Variants in DNAH5 observed in about 807,000 individuals in gnomAD.
The protein encoded by DNAH5 is axonemal beta dynein heavy chain 5.
A neutral mutation model predicts 518.2 loss-of-function variants in DNAH5; 372 were observed. The observed-to-expected ratio is 0.72, with a 90% CI of 0.66 to 0.78. DNAH5 has a LOEUF of 0.78. Among genes scored for constraint, DNAH5 ranks in the 30% least tolerant of loss-of-function variants. The pLI is 0.00. For missense variants in DNAH5, 5,523 were observed against 5,687.0 expected, an observed-to-expected ratio of 0.97 and a Z score of 0.93; for synonymous variants, 2,039 against 2,025.9, an observed-to-expected ratio of 1.01 and a Z score of -0.17.
chr5:13,718,840 G>T, intron 72 of DNAH5, 42 bp downstream of exon 72: 2 of 1,508,408 alleles, frequency 1.3e-6, no homozygotes, highest in Non-Finnish European at 1.8e-6. Context: ...AACAATTTAA[G>T]TAAGGAAACT....
chr5:13,846,513 A>G (rs896528695), intron 31 of DNAH5, among the ~76,000 whole-genome samples: 1 of 152,180 alleles, frequency 6.6e-6, no homozygotes, highest in African/African-American at 2.4e-5. Context: ...CGATTCGTCA[A>G]CTGCTGGACT....
chr5:13,867,687 A>C, intron 25 of DNAH5, 87 bp downstream of exon 25: 5 of 1,080,328 alleles, frequency 4.6e-6, no homozygotes, highest in Non-Finnish European at 7.2e-6. Flanking sequence ...TTTCACAGAA[A>C]TTTACCCATA....
intron 1 of DNAH5, among the ~76,000 whole-genome samples, chr5:14,007,038 C>G (rs892513859): frequency 6.6e-6 from 1 of 152,198 alleles, no homozygotes; most frequent in African/African-American, 2.4e-5. Context: ...AGGCCCTCCA[C>G]GCCCTCTCCA....
chr5:13,805,492 G>A (rs761853267), intron 47 of DNAH5, among the ~76,000 whole-genome samples: 18 of 151,728 alleles, frequency 1.2e-4, no homozygotes, highest in African/African-American at 2.7e-4. Flanking sequence ...GCGAGGCTCC[G>A]TTTCAAAAAA....
chr5:13,993,462 A>C (rs1783706054), intron 1 of DNAH5, among the ~76,000 whole-genome samples: 1 of 152,360 alleles, frequency 6.6e-6, no homozygotes, highest in East Asian at 1.9e-4. Context: ...CTAACAAAAA[A>C]ACTCATATAT....
intron 1 of DNAH5, among the ~76,000 whole-genome samples, chr5:13,976,443 A>G (rs1428222366): frequency 1.3e-5 from 2 of 152,142 alleles, no homozygotes; most frequent in African/African-American, 2.4e-5. Context: ...CCCATGCTGT[A>G]TACACTACCT....
intron 73 of DNAH5, 65 bp from the exon 74 acceptor site, chr5:13,716,755 G>C: frequency 3.7e-6 from 4 of 1,095,728 alleles, no homozygotes; most frequent in Non-Finnish European, 5.5e-6. Context: ...TCCCTGCCAA[G>C]TCACACCCAT....
chr5:13,838,040 C>A (rs1764643867), intron 35 of DNAH5, among the ~76,000 whole-genome samples: 1 of 152,014 alleles, frequency 6.6e-6, no homozygotes, highest in African/African-American at 2.4e-5. Context: ...ATGGGCAAAT[C>A]GTCATTGTAT....
At chr5:13,879,210 C>A (rs1353539876) in intron 21 of DNAH5, among the ~76,000 whole-genome samples, 4 of 152,160 alleles carry the variant, frequency 2.6e-5, no homozygotes, top group Non-Finnish European at 5.9e-5. Context: ...AAATACAGTT[C>A]AAATAAAATA....
rs778780449 is a variant in DNAH5 at position 13,901,452 on chromosome 5, G to A, written c.1852C>T (p.Arg618Ter). Residue 618 changes from arginine to a stop codon, truncating the protein, a stop_gained, in exon 14 of 79, where the codon CGA becomes TGA. Transcript: ENST00000265104. LOFTEE classifies it high-confidence loss of function. ...TKQKYDPPLA[R>*]NQPPIAGKIL... ...TTTCCAGCGATGGGAGGCTGGTTTC[G>A]AGCCAGAGGAGGATCGTATTTCTGC... The A allele has an allele frequency of 5.6e-6, 9 of 1,613,852 alleles. No homozygotes were observed. Among genetic ancestry groups the A allele is most frequent in the Admixed American group, 3.3e-5 (2 of 60,000 alleles).
chr5:13,700,737 A>T lies in DNAH5; in HGVS notation c.13626T>A (p.Gly4542=), dbSNP rs1239513732. 6.2e-7 allele frequency: 1 copy of T among 1,614,066 alleles called. No individual in the cohort carries two copies. Among genetic ancestry groups the T allele is most frequent in the African/African-American group, 1.3e-5 (1 of 74,948 alleles). ...GVYVYGLYLE[G]AGWDKRNMKL... ...TCATGTTCCTCTTGTCCCAGCCAGC[A>T]CCTTCAAGATATAAGCCATAGACAT... Residue 4542 remains glycine (G), a synonymous_variant, in exon 78 of 79, where the codon GGT becomes GGA. Transcript: ENST00000265104.
intron 1 of DNAH5, among the ~76,000 whole-genome samples, chr5:13,984,757 G>A (rs914289149): frequency 2.0e-4 from 30 of 152,186 alleles, no homozygotes; most frequent in African/African-American, 5.3e-4. Flanking sequence ...GAATTTTGTC[G>A]AAGGCCTTTT....
chr5:13,960,977 T>C (rs938937796), intron 1 of DNAH5, among the ~76,000 whole-genome samples: 1 of 151,936 alleles, frequency 6.6e-6, no homozygotes, highest in African/African-American at 2.4e-5. Context: ...CCTTCTTCAG[T>C]ATCCTGAAAG....
chr5:14,011,393 C>G (rs76761522), intron 1 of DNAH5, among the ~76,000 whole-genome samples: 3,643 of 152,234 alleles, frequency 0.024, 140 homozygotes, highest in African/African-American at 0.084. Flanking sequence ...TCGGGGTGCC[C>G]TGGTAGGCGT....
At chr5:13,802,164 G>A (rs1249680682) in intron 47 of DNAH5, among the ~76,000 whole-genome samples, 5 of 152,216 alleles carry the variant, frequency 3.3e-5, no homozygotes, top group East Asian at 1.9e-4. Context: ...TTGGGGAATC[G>A]TAGTCAGCAT....
chr5:13,881,205 G>A (rs1771631529), intron 21 of DNAH5, among the ~76,000 whole-genome samples: 1 of 151,654 alleles, frequency 6.6e-6, no homozygotes, highest in Admixed American at 6.6e-5. Flanking sequence ...TAATAGTAGG[G>A]GATTTTAGTA....
At chr5:13,916,320 G>T in intron 9 of DNAH5, 28 bp downstream of exon 9, 1 of 1,229,898 alleles carries the variant, frequency 8.1e-7, no homozygotes, top group South Asian at 1.2e-5. Context: ...AAATACAAAT[G>T]AACATGGACT....
chr5:13,913,238 A>C (rs915672054), intron 11 of DNAH5, among the ~76,000 whole-genome samples: 1 of 152,030 alleles, frequency 6.6e-6, no homozygotes, highest in Non-Finnish European at 1.5e-5. Context: ...TTAGTCACAC[A>C]GATACCATGA....
Position 13,884,896 on chromosome 5 carries a change from AC to A in DNAH5, c.2983+92del, listed in dbSNP as rs1249454772. On this transcript the variant is annotated intron_variant, in intron 19 of 78. Transcript: ENST00000265104. ...AATTATTTAAATTTAACAGGAATGT[AC>A]ATGCACGTGCACACGTGCACACACA... 7.1e-6 allele frequency: 11 copies of A among 1,546,264 alleles called. No individual in the cohort carries two copies. In the Admixed American group the frequency reaches 1.0e-4, roughly 15 times the overall value.
Sources: allele counts gnomAD v4.1 joint callset (sites outside exome capture counted in the v4.1 genomes callset), GRCh38; gene constraint gnomAD v4.1.1; transcripts MANE v1.5; gene names NCBI Gene and HGNC (gene_info 2026-07-23, HGNC 2026-07-21).